The following INSC variants were observed in gnomAD, a reference collection of about 807,000 sequenced individuals.
INSC encodes protein inscuteable homolog.
INSC carries 67 observed loss-of-function variants against 58.6 expected under a neutral mutation model. The ratio of observed to expected loss-of-function variants is 1.14; its 90% CI spans 0.94 to 1.40. The LOEUF (loss-of-function observed/expected upper bound fraction) is 1.40. INSC is among the 40% of genes most tolerant of loss of function. The probability of loss-of-function intolerance (pLI) is 0.00; values close to 1 mark genes in which losing one functional copy is unlikely to be tolerated. For missense variants in INSC, 714 were observed against 692.0 expected, an observed-to-expected ratio of 1.03 and a Z score of -0.36; for synonymous variants, 262 against 276.1, an observed-to-expected ratio of 0.95 and a Z score of 0.51.
chr11:15,209,438 C>T (rs1347489753), intron 7 of INSC, among the ~76,000 whole-genome samples: 1 of 152,268 alleles, frequency 6.6e-6, no homozygotes, highest in Middle Eastern at 3.4e-3. Flanking sequence ...TGCTGGGTGT[C>T]CCAATGAGAG....
intron 5 of INSC, among the ~76,000 whole-genome samples, chr11:15,180,704 T>TG (rs1849748274): frequency 1.7e-5 from 1 of 57,180 alleles, no homozygotes. Context: ...CGGGGGGGGG[T>TG]GGTGGCCACA....
At chr11:15,114,208 A>C (rs1847637384), upstream of INSC, among the ~76,000 whole-genome samples, 1 of 124,928 alleles carries the variant, frequency 8.0e-6, no homozygotes, top group Non-Finnish European at 1.6e-5. Flanking sequence ...GGTAGGAATC[A>C]AGTTCCTCTA....
chr11:15,129,241 A>G (rs1848069931), intron 1 of INSC, among the ~76,000 whole-genome samples: 1 of 151,468 alleles, frequency 6.6e-6, no homozygotes. Context: ...AAGTTTCCAT[A>G]TTTTCTTGGG....
At chr11:15,174,196 C>G (rs115722907) in intron 2 of INSC, among the ~76,000 whole-genome samples, 1 of 152,168 alleles carries the variant, frequency 6.6e-6, no homozygotes, top group South Asian at 2.1e-4. Context: ...TTGCTGATCT[C>G]TCTCCTTGGA....
At chr11:15,257,651 C>T in the INSC span, among the ~76,000 whole-genome samples, 3 of 152,032 alleles carry the variant, frequency 2.0e-5, no homozygotes, top group South Asian at 6.2e-4. Context: ...GTAGGATGGG[C>T]CCTTAATGCA....
At chr11:15,201,108 G>A (rs1460110700) in intron 7 of INSC, among the ~76,000 whole-genome samples, 159 bp downstream of exon 7, 1 of 152,124 alleles carries the variant, frequency 6.6e-6, no homozygotes, top group East Asian at 1.9e-4. Context: ...CCTGGACTAT[G>A]GGAGTCAGCA....
At chr11:15,126,594 A>G (rs1848001702) in intron 1 of INSC, among the ~76,000 whole-genome samples, 1 of 152,264 alleles carries the variant, frequency 6.6e-6, no homozygotes, top group Non-Finnish European at 1.5e-5. Flanking sequence ...GTAGGGGCAT[A>G]TATTGTCTAA....
intron 9 of INSC, among the ~76,000 whole-genome samples, chr11:15,232,676 G>A (rs1435459641): frequency 6.6e-6 from 1 of 152,120 alleles, no homozygotes; most frequent in East Asian, 1.9e-4. Flanking sequence ...ATTGAGTTAA[G>A]ATCTTGACAT....
chr11:15,221,667 C>T lies in INSC; in HGVS notation c.991+19C>T, dbSNP rs758023864. On this transcript the variant is annotated intron_variant, in intron 8 of 12. Coordinates refer to ENST00000379556, the MANE Select transcript of INSC (RefSeq NM_001042536.3). Reference sequence around the variant, plus strand: ...CTCGTCAGTGAGTCACCCTGGGCAGCGGGACCACTAGGAGAGAGGGCCTTG... The same window carrying T: ...CTCGTCAGTGAGTCACCCTGGGCAGTGGGACCACTAGGAGAGAGGGCCTTG... 22 of 1,596,450 alleles carry T rather than the reference C, an allele frequency of 1.4e-5. No individual in the cohort carries two copies. The highest frequency in any genetic ancestry group is 6.8e-5 in the East Asian group (3 of 44,306).
At chr11:15,213,951 C>T (rs758681081) in intron 7 of INSC, among the ~76,000 whole-genome samples, 27 of 152,158 alleles carry the variant, frequency 1.8e-4, no homozygotes, top group Admixed American at 2.6e-4. Context: ...ATAAAACAAA[C>T]ACCTCATTGT....
intron 9 of INSC, among the ~76,000 whole-genome samples, chr11:15,229,236 A>G (rs1403571884): frequency 1.3e-5 from 2 of 152,184 alleles, no homozygotes; most frequent in African/African-American, 4.8e-5. Context: ...GAGTGCTAGT[A>G]TATACTTCCC....
rs532783559 is a variant in INSC, at chr11:15,134,166, T to C, written c.-45-14964T>C. On this transcript the variant is annotated intron_variant, in intron 1 of 12. Transcript: ENST00000379556. ...GTTTGGAGGAATATGTGTAAGACAC[T>C]TAGAAGGGTTCTTGGCACATAGTTA... 2.3e-4 allele frequency among the ~76,000 whole-genome samples: 35 copies of C among 152,324 alleles called. No individual in the cohort carries two copies. The South Asian group carries it at 6.4e-3, about 28-fold the overall frequency.
At chr11:15,202,754 A>G (rs1452862799) in intron 7 of INSC, among the ~76,000 whole-genome samples, 1 of 152,216 alleles carries the variant, frequency 6.6e-6, no homozygotes, top group Non-Finnish European at 1.5e-5. Flanking sequence ...TGCAGAAGGA[A>G]GTTTTCAATT....
chr11:15,238,990 G>A lies in INSC; in HGVS notation c.1309G>A (p.Glu437Lys). ...GACTCCTGCTGAAGTGGCAGCCTGT[G>A]AGCGAGTCCAGCAGAAAGCTGCAGT... ...SGTPAEVAAC[E>K]RVQQKAAVTL... Residue 437 changes from glutamate (E) to lysine (K), a missense_variant, in exon 11 of 13, where the codon GAG becomes AAG. Transcript: ENST00000379556. 1.9e-6 allele frequency: 3 copies of A among 1,614,220 alleles called. No homozygotes were observed. The highest frequency in any genetic ancestry group is 2.5e-6 in the Non-Finnish European group (3 of 1,180,036).
At chr11:15,212,029 T>TGTATATAAAAATA (rs1415149618) in intron 7 of INSC, among the ~76,000 whole-genome samples, 3 of 152,212 alleles carry the variant, frequency 2.0e-5, no homozygotes, top group African/African-American at 7.2e-5. Context: ...CATTTTAGAA[T>TGTATATAAAAATA]CAGCTTGTCA....
At chr11:15,120,302 G>A (rs1187038607) in intron 1 of INSC, among the ~76,000 whole-genome samples, 1 of 152,134 alleles carries the variant, frequency 6.6e-6, no homozygotes, top group Non-Finnish European at 1.5e-5. Context: ...GGAATATCCC[G>A]GGCTTCAAGT....
At chr11:15,240,404 G>A (rs953549199) in intron 11 of INSC, 43 bp from the exon 12 acceptor site, 1 of 1,558,998 alleles carries the variant, frequency 6.4e-7, no homozygotes, top group Non-Finnish European at 8.8e-7. Flanking sequence ...AGGCCTGGCT[G>A]GGCCCTGTCC....
At chr11:15,194,563 G>A (rs1025519749) in intron 6 of INSC, among the ~76,000 whole-genome samples, 1 of 152,240 alleles carries the variant, frequency 6.6e-6, no homozygotes, top group African/African-American at 2.4e-5. Flanking sequence ...CAACTCTTGT[G>A]AGTGGAGAAG....
At position 15,170,841 on chromosome 11, in the gene INSC, A is replaced by G. The variant is rs978403756; in HGVS notation, c.57-4900A>G. On this transcript the variant is annotated intron_variant, in intron 2 of 12. Transcript: ENST00000379556. ...ACAGATACAGGCATCCAGATAATAT[A>G]GACAGGCACCCAGATGGATTCATAT... Among the ~76,000 whole-genome samples the G allele has an allele frequency of 2.5e-4, 38 of 152,196 alleles. 1 individual carries two copies. The highest frequency in any genetic ancestry group is 4.4e-5 in the Non-Finnish European group (3 of 68,052).
Sources: gnomAD v4.1 joint callset for allele counts (sites outside exome capture counted in the v4.1 genomes callset) on GRCh38, gnomAD v4.1.1 for gene constraint, MANE v1.5 for transcripts, NCBI Gene and HGNC (gene_info 2026-07-23, HGNC 2026-07-21) for gene names.